Variants in TRDN observed in about 807,000 individuals in gnomAD.
TRDN encodes the protein triadin.
Under a neutral mutation model 149.7 loss-of-function variants are expected in TRDN, and 161 were observed. The ratio of observed to expected loss-of-function variants is 1.08; its 90% CI spans 0.95 to 1.23. TRDN has a LOEUF of 1.23. Ranked by LOEUF, TRDN falls within the 50% of genes most tolerant of loss-of-function variation. The pLI, the probability that TRDN is intolerant of heterozygous loss-of-function variation, is 0.00. For synonymous variants in TRDN, 294 were observed against 250.5 expected, an observed-to-expected ratio of 1.17 and a Z score of -1.64; for missense variants, 896 against 823.5, an observed-to-expected ratio of 1.09 and a Z score of -1.08.
chr6:123,372,559 C>T (rs930611991), intron 19 of TRDN, among the ~76,000 whole-genome samples: 3 of 152,106 alleles, frequency 2.0e-5, no homozygotes, highest in Non-Finnish European at 4.4e-5. Context: ...ATATGGAATA[C>T]ATGATCCCAG....
chr6:123,465,085 T>C, intron 9 of TRDN, 102 bp from the exon 10 acceptor site: 3 of 1,228,346 alleles, frequency 2.4e-6, no homozygotes, highest in Non-Finnish European at 3.3e-6. Context: ...TAATTCATAA[T>C]ACCAAGCCAA....
At chr6:123,414,713 A>G (rs1582989933) in intron 12 of TRDN, among the ~76,000 whole-genome samples, 1 of 152,244 alleles carries the variant, frequency 6.6e-6, no homozygotes, top group South Asian at 2.1e-4. Flanking sequence ...AAATTTAGTG[A>G]TTCGCATAAT....
chr6:123,600,946 T>C (rs1784248820), intron 1 of TRDN, among the ~76,000 whole-genome samples: 1 of 152,142 alleles, frequency 6.6e-6, no homozygotes, highest in South Asian at 2.1e-4. Context: ...ATTATTTATA[T>C]GTACTTATCA....
chr6:123,301,491 G>A (rs1188808589), intron 24 of TRDN, among the ~76,000 whole-genome samples: 1 of 151,470 alleles, frequency 6.6e-6, no homozygotes, highest in East Asian at 1.9e-4. Context: ...GCAAAATAAT[G>A]AAACTTAATG....
intron 24 of TRDN, among the ~76,000 whole-genome samples, chr6:123,295,310 C>G (rs1275277946): frequency 6.6e-6 from 1 of 152,160 alleles, no homozygotes; most frequent in Non-Finnish European, 1.5e-5. Context: ...TCCTGAGATG[C>G]TACTCTTTGC....
intron 9 of TRDN, chr6:123,470,986 G>A (rs1335546437): frequency 1.3e-5 from 2 of 152,112 alleles, no homozygotes; most frequent in East Asian, 1.9e-4. Context: ...AGACTCCAGT[G>A]AGCAGAGACA....
At chr6:123,259,079 A>C (rs1375806189) in intron 35 of TRDN, among the ~76,000 whole-genome samples, 2 of 151,856 alleles carry the variant, frequency 1.3e-5, no homozygotes, top group Non-Finnish European at 2.9e-5. Context: ...TAATCTTTTC[A>C]AAAAAACAGC....
intron 39 of TRDN, among the ~76,000 whole-genome samples, chr6:123,223,605 G>A (rs1190717380): frequency 6.6e-6 from 1 of 151,712 alleles, no homozygotes; most frequent in East Asian, 2.0e-4. Flanking sequence ...GAGATCGCAG[G>A]TTTTCCTGAC....
At chr6:123,333,508 C>G (rs73771931) in intron 22 of TRDN, among the ~76,000 whole-genome samples, 1 of 152,166 alleles carries the variant, frequency 6.6e-6, no homozygotes, top group African/African-American at 2.4e-5. Context: ...TTGCTACTGG[C>G]AAGATGCCTT....
intron 9 of TRDN, chr6:123,469,630 C>T (rs2114728919): frequency 6.6e-6 from 1 of 152,322 alleles, no homozygotes; most frequent in South Asian, 2.1e-4. Context: ...TCTTTTCTTC[C>T]TTCCAGGGGC....
chr6:123,253,532 C>G (rs1250415219), intron 37 of TRDN, among the ~76,000 whole-genome samples: 1 of 152,000 alleles, frequency 6.6e-6, no homozygotes, highest in Non-Finnish European at 1.5e-5. Flanking sequence ...TTCACTAAGA[C>G]TAACATGTTA....
intron 21 of TRDN, chr6:123,352,325 C>T (rs929537577): frequency 8.1e-6 from 8 of 984,664 alleles, no homozygotes; most frequent in Admixed American, 6.2e-5. Flanking sequence ...TTTCCCTGTT[C>T]GGAACTGATA....
chr6:123,478,787 A>T (rs781214952), intron 9 of TRDN, among the ~76,000 whole-genome samples: 1 of 152,194 alleles, frequency 6.6e-6, no homozygotes, highest in Non-Finnish European at 1.5e-5. Flanking sequence ...GGCTAATTTC[A>T]GTCAATCCTC....
chr6:123,373,468 CT>C (rs1486347054), intron 19 of TRDN, among the ~76,000 whole-genome samples: 1 of 152,120 alleles, frequency 6.6e-6, no homozygotes, highest in Non-Finnish European at 1.5e-5. Flanking sequence ...TGAAAAGGGA[CT>C]AATATATGCT....
At chr6:123,340,395 G>A (rs1780022311) in intron 21 of TRDN, among the ~76,000 whole-genome samples, 2 of 151,994 alleles carry the variant, frequency 1.3e-5, no homozygotes, top group Non-Finnish European at 2.9e-5. Flanking sequence ...TTTATCATTA[G>A]TGACATTTAG....
chr6:123,301,786 TACATAAATGAAA>T (rs1778437540), intron 24 of TRDN, among the ~76,000 whole-genome samples: 1 of 90,492 alleles, frequency 1.1e-5, no homozygotes, highest in East Asian at 1.0e-3. Context: ...TATATATATA[TACATAAATGAAA>T]ATATCTGGTG....
intron 10 of TRDN, among the ~76,000 whole-genome samples, chr6:123,451,450 T>A (rs980064263): frequency 6.6e-6 from 1 of 151,958 alleles, no homozygotes; most frequent in African/African-American, 2.4e-5. Context: ...ATAAAAAAGA[T>A]CACTCAAGGC....
chr6:123,557,593 G>A (rs1337055271), intron 2 of TRDN, among the ~76,000 whole-genome samples: 2 of 152,088 alleles, frequency 1.3e-5, no homozygotes, highest in African/African-American at 4.8e-5. Context: ...AGCCGGTCAC[G>A]GACTCGGGAA....
In TRDN at chr6:123,279,685, T is replaced by A. The variant is rs184594918; in HGVS notation, c.1511-603A>T. ...TTTCTAGCTCCACCATTCTATGGAT[T>A]AGTCTCTCTGGTCACCAATTTCCCA... On this transcript the variant is annotated intron_variant, in intron 24 of 40. Coordinates refer to ENST00000334268, the MANE Select transcript of TRDN (RefSeq NM_006073.4). Among the ~76,000 whole-genome samples, 171 of 152,236 alleles carry A rather than the reference T, an allele frequency of 1.1e-3. 1 individual carries two copies. Among genetic ancestry groups the A allele is most frequent in the Non-Finnish European group, 1.8e-3 (125 of 68,024 alleles).
Sources: allele counts gnomAD v4.1 joint callset (sites outside exome capture counted in the v4.1 genomes callset), GRCh38; gene constraint gnomAD v4.1.1; transcripts MANE v1.5; gene names NCBI Gene and HGNC (gene_info 2026-07-23, HGNC 2026-07-21).